Variants in THSD4 observed in about 807,000 individuals in gnomAD.
The protein encoded by THSD4 is thrombospondin type 1 domain containing 4, also known as thrombospondin type-1 domain-containing protein 4.
THSD4 carries 69 observed loss-of-function variants against 119.0 expected under a neutral mutation model. That is an observed-to-expected ratio of 0.58 (90% CI 0.48 to 0.71). THSD4 has a LOEUF of 0.71. THSD4 is among the 30% of genes least tolerant of loss of function. The probability of loss-of-function intolerance (pLI) is 0.00; values close to 1 mark genes in which losing one functional copy is unlikely to be tolerated. For missense variants in THSD4, 1,393 were observed against 1,391.1 expected (o/e 1.00, Z -0.02); for synonymous variants, 524 against 540.4 (o/e 0.97, Z 0.42).
chr15:71,478,223 C>G (rs1207924946), intron 7 of THSD4, among the ~76,000 whole-genome samples: 1 of 152,136 alleles, frequency 6.6e-6, no homozygotes, highest in Non-Finnish European at 1.5e-5. Context: ...TCAGAAAGCC[C>G]AGACCTGCCT....
chr15:71,426,392 TGTGTG>T lies in THSD4; in HGVS notation c.1152+14570_1152+14574del, dbSNP rs763282287. ...GTGTGTGTGTGTGTGTGTGTGTGTG[TGTGTG>T]TGTGTGTGTTCAGGTGCTGAATGTC... On this transcript the variant is annotated intron_variant, in intron 7 of 17. Transcript: ENST00000261862. Among the ~76,000 whole-genome samples, 1,102 of 138,826 alleles carry T rather than the reference TGTGTG, an allele frequency of 7.9e-3. 16 individuals carry two copies. The highest frequency in any genetic ancestry group is 0.022 in the Middle Eastern group (6 of 272). 91.1% of individuals were successfully genotyped at this position (138,826 alleles called of 152,430 possible). A position where few individuals can be genotyped will look rare whatever the true frequency, so the allele number is the denominator to read the frequency against.
chr15:71,536,415 T>A (rs1319849590), intron 7 of THSD4, among the ~76,000 whole-genome samples: 1 of 152,220 alleles, frequency 6.6e-6, no homozygotes, highest in Non-Finnish European at 1.5e-5. Flanking sequence ...CCTACCTTGA[T>A]AATCTAAAAT....
chr15:71,499,064 T>C (rs1567009862), intron 7 of THSD4, among the ~76,000 whole-genome samples: 3 of 152,068 alleles, frequency 2.0e-5, no homozygotes, highest in South Asian at 2.1e-4. Context: ...TAGTATTGAA[T>C]TGATGACAAA....
At chr15:71,746,757 G>A in intron 12 of THSD4, 81 bp from the exon 13 acceptor site, 2 of 1,411,602 alleles carry the variant, frequency 1.4e-6, no homozygotes, top group Non-Finnish European at 9.9e-7. Context: ...TGATGATTCT[G>A]TGTACGCTGC....
intron 4 of THSD4, among the ~76,000 whole-genome samples, chr15:71,219,978 G>T (rs961162789): frequency 2.0e-5 from 3 of 152,194 alleles, no homozygotes; most frequent in African/African-American, 7.2e-5. Context: ...TTGACAAATG[G>T]ATGGGATTTA....
chr15:71,148,457 A>C (rs1022067380), intron 2 of THSD4, among the ~76,000 whole-genome samples: 2 of 152,236 alleles, frequency 1.3e-5, no homozygotes, highest in African/African-American at 4.8e-5. Context: ...CCATCTAAGA[A>C]AGGTTTCTTA....
chr15:71,365,121 G>C, intron 6 of THSD4, among the ~76,000 whole-genome samples: 1 of 142,280 alleles, frequency 7.0e-6, no homozygotes, highest in South Asian at 2.4e-4. Flanking sequence ...TATATCCACT[G>C]CCCCCCCCAT....
At chr15:71,111,484 C>A, upstream of THSD4, 1 of 1,299,542 alleles carries the variant, frequency 7.7e-7, no homozygotes. Flanking sequence ...GGAATCTACC[C>A]TGAGATTTTT....
rs375282945 is a variant in THSD4, at chr15:71,471,132, G to T, written c.1152+59309G>T. On this transcript the variant is annotated intron_variant, in intron 7 of 17. Transcript: ENST00000261862. ...GTTCCTGCACATTCCTGTGCTGTGG[G>T]CCTCAGGACTTTGCTGCTCTCCTCC... Among the ~76,000 whole-genome samples, 165 of 152,288 alleles carry T rather than the reference G, an allele frequency of 1.1e-3. 1 individual carries two copies. The highest frequency in any genetic ancestry group is 3.8e-3 in the African/African-American group (159 of 41,562).
At chr15:71,757,677 G>C (rs2053565685) in intron 14 of THSD4, among the ~76,000 whole-genome samples, 1 of 152,104 alleles carries the variant, frequency 6.6e-6, no homozygotes, top group African/African-American at 2.4e-5. Context: ...GGCAAGATTG[G>C]ATATTTGGAA....
At chr15:71,679,496 G>C (rs375424425) in intron 8 of THSD4, among the ~76,000 whole-genome samples, 1 of 152,204 alleles carries the variant, frequency 6.6e-6, no homozygotes, top group Non-Finnish European at 1.5e-5. Context: ...CTCATGCTGT[G>C]GTTTGCCCAC....
At chr15:71,244,294 A>C (rs538404626) in intron 5 of THSD4, among the ~76,000 whole-genome samples, 9 of 152,222 alleles carry the variant, frequency 5.9e-5, no homozygotes, top group Non-Finnish European at 1.3e-4. Flanking sequence ...ATTAAAGAGA[A>C]GTGAATGAGA....
chr15:71,266,782 T>C (rs2044469770), intron 6 of THSD4, among the ~76,000 whole-genome samples: 1 of 151,792 alleles, frequency 6.6e-6, no homozygotes, highest in Non-Finnish European at 1.5e-5. Flanking sequence ...CTGATGGAGC[T>C]GAAAACCACA....
intron 6 of THSD4, among the ~76,000 whole-genome samples, chr15:71,395,953 A>AC (rs397800269): frequency 0.12 from 15,030 of 125,138 alleles, 908 homozygotes; most frequent in Admixed American, 0.21. Context: ...ACACACACAC[A>AC]AACACAGACT....
chr15:71,485,068 C>G (rs2047794750), intron 7 of THSD4, among the ~76,000 whole-genome samples: 1 of 152,142 alleles, frequency 6.6e-6, no homozygotes, highest in Non-Finnish European at 1.5e-5. Flanking sequence ...GCTAGTGTTT[C>G]CAGATTTGGA....
chr15:71,121,188 G>A (rs919135739), intron 1 of THSD4, among the ~76,000 whole-genome samples: 4 of 152,124 alleles, frequency 2.6e-5, no homozygotes, highest in Admixed American at 6.5e-5. Flanking sequence ...CAGCAGCGTG[G>A]TGGTGCTGAG....
At chr15:71,549,222 A>T (rs1035395713) in intron 7 of THSD4, among the ~76,000 whole-genome samples, 2 of 152,242 alleles carry the variant, frequency 1.3e-5, no homozygotes, top group African/African-American at 4.8e-5. Flanking sequence ...ATGAATAGCT[A>T]GAAAACCCGA....
chr15:71,334,195 CTTT>C (rs2045464073), intron 6 of THSD4, among the ~76,000 whole-genome samples: 2 of 152,162 alleles, frequency 1.3e-5, no homozygotes, highest in Non-Finnish European at 2.9e-5. Context: ...TTACTTTGTT[CTTT>C]TCTGCAGAAT....
chr15:71,684,418 T>C (rs1469096452), intron 8 of THSD4, among the ~76,000 whole-genome samples: 1 of 152,120 alleles, frequency 6.6e-6, no homozygotes, highest in East Asian at 1.9e-4. Context: ...TAATTTTTAC[T>C]AGCAAGGAAA....
Sources: allele counts gnomAD v4.1 joint callset (sites outside exome capture counted in the v4.1 genomes callset), GRCh38; gene constraint gnomAD v4.1.1; transcripts MANE v1.5; gene names NCBI Gene and HGNC (gene_info 2026-07-23, HGNC 2026-07-21).